The following PCDH9 variants were observed in gnomAD, a reference collection of about 807,000 sequenced individuals.
PCDH9 encodes the protein protocadherin-9.
A neutral mutation model predicts 70.6 loss-of-function variants in PCDH9; 24 were observed. The observed-to-expected ratio is 0.34, with a 90% CI of 0.25 to 0.48. The LOEUF (loss-of-function observed/expected upper bound fraction) is 0.48. Ranked by LOEUF, PCDH9 falls within the 20% of genes least tolerant of loss-of-function variation. The pLI, the probability that PCDH9 is intolerant of heterozygous loss-of-function variation, is 0.99. For missense variants in PCDH9, 1,281 were observed against 1,503.6 expected, an observed-to-expected ratio of 0.85 and a Z score of 2.45; for synonymous variants, 562 against 558.5, an observed-to-expected ratio of 1.01 and a Z score of -0.09.
At chr13:67,215,884 C>T (rs994896793) in intron 2 of PCDH9, 1 of 152,096 alleles carries the variant, frequency 6.6e-6, no homozygotes, top group Non-Finnish European at 1.5e-5. Context: ...GTAAGTAAGA[C>T]ACAGTCTCTT....
At position 66,850,755 on chromosome 13, in the gene PCDH9, T is replaced by C. The variant is rs192058117; in HGVS notation, c.3138+52749A>G. Among the ~76,000 whole-genome samples, 12 of 152,304 alleles carry C rather than the reference T, an allele frequency of 7.9e-5. No homozygotes were observed. In the East Asian group the frequency reaches 2.3e-3, roughly 29 times the overall value. ...TTTGCAATGACTGCAAATTCTGACA[T>C]GACTGTACATTGAGCTGAAGCATTA... On this transcript the variant is annotated intron_variant, in intron 3 of 4. Transcript: ENST00000377865.
chr13:67,035,890 T>C (rs564166761), intron 2 of PCDH9, among the ~76,000 whole-genome samples: 1 of 152,136 alleles, frequency 6.6e-6, no homozygotes, highest in African/African-American at 2.4e-5. Context: ...ATCTTCACAT[T>C]CCCTAAAAAG....
At chr13:67,056,195 T>C (rs919231123) in intron 2 of PCDH9, among the ~76,000 whole-genome samples, 41 of 152,158 alleles carry the variant, frequency 2.7e-4, no homozygotes, top group African/African-American at 9.4e-4. Flanking sequence ...AATTTACTTA[T>C]TTAACAGTCA....
At chr13:66,672,617 C>A (rs1269995459) in intron 3 of PCDH9, among the ~76,000 whole-genome samples, 1 of 152,208 alleles carries the variant, frequency 6.6e-6, no homozygotes, top group Non-Finnish European at 1.5e-5. Flanking sequence ...CCTGGAAAAG[C>A]TGCACACACT....
At chr13:66,673,412 G>A (rs559399686) in intron 3 of PCDH9, among the ~76,000 whole-genome samples, 1 of 152,146 alleles carries the variant, frequency 6.6e-6, no homozygotes, top group South Asian at 2.1e-4. Context: ...TTCTTTATAA[G>A]TTACCCAGTC....
Position 66,304,924 on chromosome 13 carries a change from C to T in PCDH9, c.3445G>A (p.Gly1149Ser), listed in dbSNP as rs750822481. The T allele has an allele frequency of 2.4e-5, 39 of 1,613,406 alleles. No homozygotes were observed. The East Asian group carries it at 8.0e-4, about 33-fold the overall frequency. ...SDNCWMPPGL[G>S]PYQHPKSPLS... is the part of the protein sequence containing the mutation. Reference sequence around the variant, plus strand: ...GGAGATTTGGGGTGTTGATATGGACCCAAGCCAGGAGGCATCCAGCAATTA... The same window carrying T: ...GGAGATTTGGGGTGTTGATATGGACTCAAGCCAGGAGGCATCCAGCAATTA... Residue 1149 changes from glycine to serine, a missense_variant, in exon 5 of 5, where the codon GGT (glycine) becomes AGT (serine). Physicochemically the swap from Gly to Ser is moderately conservative, Grantham distance 56 (BLOSUM62 0). Around this residue, in one of 4 missense-constraint regions of PCDH9, gnomAD observed 264 missense variants for 278.8 expected, o/e 0.95. Coordinates refer to ENST00000377865, the MANE Select transcript of PCDH9 (RefSeq NM_203487.3).
chr13:66,878,483 T>A (rs1298483053), intron 3 of PCDH9, among the ~76,000 whole-genome samples: 1 of 152,138 alleles, frequency 6.6e-6, no homozygotes, highest in Non-Finnish European at 1.5e-5. Flanking sequence ...CGCCTTGGAC[T>A]CCCAAACTGC....
At chr13:66,767,610 T>C (rs962072350) in intron 3 of PCDH9, among the ~76,000 whole-genome samples, 1 of 151,892 alleles carries the variant, frequency 6.6e-6, no homozygotes, top group East Asian at 1.9e-4. Context: ...CAGGAAAGAG[T>C]TATGTTGAAC....
intron 2 of PCDH9, among the ~76,000 whole-genome samples, chr13:67,196,073 T>A (rs1194201282): frequency 6.6e-6 from 1 of 152,154 alleles, no homozygotes; most frequent in Non-Finnish European, 1.5e-5. Context: ...GATAGTTTGT[T>A]GTGAAGAGTA....
chr13:66,487,454 AT>A (rs1958963021), intron 4 of PCDH9, among the ~76,000 whole-genome samples: 1 of 152,084 alleles, frequency 6.6e-6, no homozygotes. Context: ...TTTCTTATGG[AT>A]TTTTTATTAT....
intron 4 of PCDH9, among the ~76,000 whole-genome samples, chr13:66,629,639 A>C (rs1489158151): frequency 6.6e-6 from 1 of 152,194 alleles, no homozygotes; most frequent in Non-Finnish European, 1.5e-5. Flanking sequence ...GTGAAATCAA[A>C]AGATGCACTT....
intron 2 of PCDH9, chr13:66,978,473 T>A (rs1594339213): frequency 6.6e-6 from 1 of 151,990 alleles, no homozygotes; most frequent in Non-Finnish European, 1.5e-5. Context: ...TTCTTAAAGG[T>A]ACCTATTGTG....
chr13:66,915,876 C>T (rs2082548524), intron 2 of PCDH9, among the ~76,000 whole-genome samples: 2 of 151,586 alleles, frequency 1.3e-5, no homozygotes, highest in Admixed American at 1.3e-4. Flanking sequence ...TTCTCTCTCC[C>T]CTCCGTAGCA....
chr13:66,472,306 G>A (rs1425341851), intron 4 of PCDH9, among the ~76,000 whole-genome samples: 3 of 151,906 alleles, frequency 2.0e-5, no homozygotes, highest in South Asian at 2.1e-4. Flanking sequence ...GTGGTTGCTC[G>A]TGCCTGCAAT....
intron 3 of PCDH9, among the ~76,000 whole-genome samples, chr13:66,862,956 A>G (rs566707845): frequency 6.6e-6 from 1 of 152,320 alleles, no homozygotes; most frequent in Non-Finnish European, 1.5e-5. Context: ...GTTTGTTTTT[A>G]GCAGTCCATC....
chr13:66,457,380 A>C (rs1206073173), intron 4 of PCDH9, among the ~76,000 whole-genome samples: 1 of 152,124 alleles, frequency 6.6e-6, no homozygotes, highest in Non-Finnish European at 1.5e-5. Flanking sequence ...TGAACCAAAT[A>C]ATTCACCTTG....
chr13:66,332,278 G>T (rs1029884220), intron 4 of PCDH9, among the ~76,000 whole-genome samples: 1 of 152,074 alleles, frequency 6.6e-6, no homozygotes, highest in South Asian at 2.1e-4. Flanking sequence ...AAGAAGTAAG[G>T]TGTATGCCAG....
At chr13:67,143,164 T>G (rs1326649809) in intron 2 of PCDH9, among the ~76,000 whole-genome samples, 1 of 152,150 alleles carries the variant, frequency 6.6e-6, no homozygotes, top group Non-Finnish European at 1.5e-5. Flanking sequence ...CTAAATAAGA[T>G]TGTTTCATCA....
At chr13:66,546,770 C>T (rs912020805) in intron 4 of PCDH9, among the ~76,000 whole-genome samples, 4 of 152,138 alleles carry the variant, frequency 2.6e-5, no homozygotes, top group African/African-American at 7.2e-5. Flanking sequence ...GTGGTGAGTG[C>T]TCTGTATAAA....
Sources: gnomAD v4.1 joint callset for allele counts (sites outside exome capture counted in the v4.1 genomes callset) on GRCh38, gnomAD v4.1.1 for gene constraint, gnomAD v4.1.1 regional missense constraint, MANE v1.5 for transcripts, NCBI Gene and HGNC (gene_info 2026-07-23, HGNC 2026-07-21) for gene names.